The following C17orf113 variants were observed in gnomAD, a reference collection of about 807,000 sequenced individuals.
C17orf113 encodes chromosome 17 open reading frame 113.
Under a neutral mutation model 11.6 loss-of-function variants are expected in C17orf113, and 5 were observed. That is an observed-to-expected ratio of 0.43 (90% CI 0.23 to 0.91). The LOEUF is 0.91. Ranked by LOEUF, C17orf113 falls within the 40% of genes least tolerant of loss-of-function variation. The probability of loss-of-function intolerance (pLI) is 0.26; values close to 1 mark genes in which losing one functional copy is unlikely to be tolerated. For missense variants in C17orf113, 714 were observed against 841.3 expected (o/e 0.85, Z 1.87); for synonymous variants, 327 against 390.6 (o/e 0.84, Z 1.92).
Position 42,043,121 on chromosome 17 carries a change from G to C in C17orf113, c.256C>G (p.Arg86Gly), listed in dbSNP as rs540274862. The part of the protein sequence containing the change: ...LLRHVTSGAH[R>G]QALAVNQGQP... ...CCCTGGTTGACAGCCAGAGCCTGGCGGTGGGCTCCTGAGGTCACGTGGCGC... is the reference window on the plus strand; with the variant it reads ...CCCTGGTTGACAGCCAGAGCCTGGCCGTGGGCTCCTGAGGTCACGTGGCGC... The change falls in exon 2 of 3, where the codon CGC (arginine) becomes GGC (glycine). Residue 86 changes from arginine (R) to glycine (G), a missense_variant. By Grantham distance (125) the Arg-to-Gly change is moderately radical (BLOSUM62 -2). Coordinates refer to ENST00000587304, the MANE Select transcript of C17orf113 (RefSeq NM_001358661.2). 2 of 1,232,126 alleles carry C rather than the reference G, an allele frequency of 1.6e-6. No individual in the cohort carries two copies. The highest frequency in any genetic ancestry group is 2.0e-6 in the Non-Finnish European group (2 of 988,038). The allele number at this position is 1,232,126 out of a possible 1,614,324, so 76.3% of individuals were successfully genotyped here. A position where few individuals can be genotyped will look rare whatever the true frequency, so the allele number is the denominator to read the frequency against.
At position 42,050,245 on chromosome 17, in the gene C17orf113, G is replaced by T. The variant is rs975311016; in HGVS notation, c.-188+312C>A. ...TGTGGCCCCAGAATGTGGGTCCCGA[G>T]CCTCCTCCCCGGGCTCCTGGGGGCC... On this transcript the variant is annotated intron_variant, in intron 1 of 2. Transcript: ENST00000587304. This position sits in a 1 kb window ranked among gnomAD's most constrained non-coding sequence, Gnocchi z 5.6. 2.0e-5 allele frequency among the ~76,000 whole-genome samples: 3 copies of T among 152,194 alleles called. No homozygotes were observed. The highest frequency in any genetic ancestry group is 4.4e-5 in the Non-Finnish European group (3 of 68,010).
chr17:42,039,935 G>T lies in C17orf113; in HGVS notation c.1798C>A (p.Leu600Ile). ...GGCAGCGCCAAAGCCAAGGCGGCTAGGGCGGCGAAGTCGGGGAAGAGCTCG... is the reference window on the plus strand; with the variant it reads ...GGCAGCGCCAAAGCCAAGGCGGCTATGGCGGCGAAGTCGGGGAAGAGCTCG... ...LHELFPDFAALAALALALPAG... is the reference protein window; with the variant it reads ...LHELFPDFAAIAALALALPAG... The change falls in exon 3 of 3, where the codon CTA becomes ATA. Residue 600 changes from leucine to isoleucine, a missense_variant. Physicochemically the swap from Leu to Ile is conservative, Grantham distance 5. This residue lies in a region of C17orf113 where 194 missense variants were observed against 197.2 expected (regional missense o/e 0.98). Transcript: ENST00000587304. 8.1e-7 allele frequency: 1 copy of T among 1,231,252 alleles called. No homozygotes were observed. Among genetic ancestry groups the T allele is most frequent in the Non-Finnish European group, 1.0e-6 (1 of 987,606 alleles). The allele number at this position is 1,231,252 out of a possible 1,614,324, so 76.3% of individuals were successfully genotyped here. A position where few individuals can be genotyped will look rare whatever the true frequency, so the allele number is the denominator to read the frequency against.
Position 42,042,866 on chromosome 17 carries a change from A to T in C17orf113, c.511T>A (p.Tyr171Asn). ...TCCCTCACCCTCCTGGGACTGTAGTAATCGCCATGCTCTGTGCCCAGCAGT... is the reference window on the plus strand; with the variant it reads ...TCCCTCACCCTCCTGGGACTGTAGTTATCGCCATGCTCTGTGCCCAGCAGT... ...QALLGTEHGD[Y>N]YSPRRVRDMQ... is the part of the protein sequence containing the mutation. Residue 171 changes from tyrosine (Y) to asparagine (N), a missense_variant, in exon 2 of 3, where the codon TAC (tyrosine) becomes AAC (asparagine). Tyr to Asn is a moderately radical substitution (Grantham distance 143). Coordinates refer to ENST00000587304, the MANE Select transcript of C17orf113 (RefSeq NM_001358661.2). The T allele has an allele frequency of 8.1e-7, 1 of 1,232,278 alleles. No individual in the cohort carries two copies. Among genetic ancestry groups the T allele is most frequent in the South Asian group, 4.1e-5 (1 of 24,320 alleles). The allele number at this position is 1,232,278 out of a possible 1,614,324, so 76.3% of individuals were successfully genotyped here.
rs1189075787 is a variant in C17orf113 at position 42,040,279 on chromosome 17, C to T, written c.1454G>A (p.Arg485Gln). 2.0e-5 allele frequency: 25 copies of T among 1,231,554 alleles called. No individual in the cohort carries two copies. Among genetic ancestry groups the T allele is most frequent in the Non-Finnish European group, 2.5e-5 (25 of 987,902 alleles). 76.3% of individuals were successfully genotyped at this position (1,231,554 alleles called of 1,614,324 possible). ...GGATCCCCGGAGCCACTCCAAGCCC[C>T]GGACCGCAGCCTCGGAGTAACCGAG... Reference protein sequence around the residue: ...ELLGYSEAAVRGLEWLRGSFL... With the variant: ...ELLGYSEAAVQGLEWLRGSFL... Residue 485 changes from arginine to glutamine, a missense_variant, in exon 3 of 3, where the codon CGG becomes CAG. Physicochemically the swap from Arg to Gln is conservative, Grantham distance 43 (BLOSUM62 1). Transcript: ENST00000587304.
In C17orf113 at chr17:42,038,327, T is replaced by A. The variant is rs2052914885; in HGVS notation, c.*1378A>T. ...CGCCCCTCTCACTCTCTAACTATCC[T>A]CCCTCCCTCCAGATCCCCAGGATTT... On this transcript the variant is annotated 3_prime_UTR_variant, in exon 3 of 3. Transcript: ENST00000587304. 1 of 420,974 alleles carries A rather than the reference T, an allele frequency of 2.4e-6. No individual in the cohort carries two copies. Among genetic ancestry groups the A allele is most frequent in the Non-Finnish European group, 4.2e-6 (1 of 236,004 alleles). 26.1% of individuals were successfully genotyped at this position (420,974 alleles called of 1,614,324 possible).
Position 42,043,347 on chromosome 17 carries a change from TC to T in C17orf113, c.29del (p.Gly10GlufsTer33). The T allele has an allele frequency of 3.2e-6, 4 of 1,232,224 alleles. No homozygotes were observed. Among genetic ancestry groups the T allele is most frequent in the Non-Finnish European group, 4.0e-6 (4 of 988,022 alleles). 76.3% of individuals were successfully genotyped at this position (1,232,224 alleles called of 1,614,324 possible). A position where few individuals can be genotyped will look rare whatever the true frequency, so the allele number is the denominator to read the frequency against. ...ACTTCTTGTTGGAGTTGGAGGCCTC[TC>T]CCGCTGGTTTCTTCCCTGGGGGCAC... MVPPGKKPA[G>X]EASNSNKKCK... On this transcript the variant is annotated frameshift_variant, in exon 2 of 3. Transcript: ENST00000587304. LOFTEE classifies it high-confidence loss of function.
Position 42,043,483 on chromosome 17 carries a change from C to T in C17orf113, c.-107G>A. The T allele has an allele frequency of 9.5e-7, 1 of 1,048,202 alleles. No individual in the cohort carries two copies. Among genetic ancestry groups the T allele is most frequent in the Non-Finnish European group, 1.2e-6 (1 of 821,170 alleles). 64.9% of individuals were successfully genotyped at this position (1,048,202 alleles called of 1,614,324 possible). Reference sequence around the variant, plus strand: ...TTGACAAGGAGAGTTGATGGGGAGGCAGGCTGGGGGCAGCCCGCCAGGCTA... The same window carrying T: ...TTGACAAGGAGAGTTGATGGGGAGGTAGGCTGGGGGCAGCCCGCCAGGCTA... On this transcript the variant is annotated 5_prime_UTR_variant, in exon 2 of 3. Transcript: ENST00000587304.
Position 42,039,846 on chromosome 17 carries a change from ACT to A in C17orf113, c.1885_1886del (p.Ser629TrpfsTer24). 8.1e-7 allele frequency: 1 copy of A among 1,230,766 alleles called. No homozygotes were observed. The highest frequency in any genetic ancestry group is 1.0e-6 in the Non-Finnish European group (1 of 987,536). 76.2% of individuals were successfully genotyped at this position (1,230,766 alleles called of 1,614,324 possible). On this transcript the variant is annotated frameshift_variant, in exon 3 of 3. Transcript: ENST00000587304. LOFTEE classifies it high-confidence loss of function. ...RSRELRWWGQSGAGEGRGGHM... is the reference protein window; with the variant it reads ...RSRELRWWGQXGAGEGRGGHM... Reference sequence around the variant, plus strand: ...GGCCCCCCCGGCCTTCCCCGGCCCCACTCTGCCCCCACCACCGCAGCTCCCGG... The same window carrying A: ...GGCCCCCCCGGCCTTCCCCGGCCCCACTGCCCCCACCACCGCAGCTCCCGG...
Position 42,043,183 on chromosome 17 carries a change from G to A in C17orf113, c.194C>T (p.Thr65Ile). 1 of 1,232,236 alleles carries A rather than the reference G, an allele frequency of 8.1e-7. No individual in the cohort carries two copies. Among genetic ancestry groups the A allele is most frequent in the Non-Finnish European group, 1.0e-6 (1 of 988,014 alleles). The allele number at this position is 1,232,236 out of a possible 1,614,324, so 76.3% of individuals were successfully genotyped here. The change falls in exon 2 of 3, where the codon ACT becomes ATT. Residue 65 changes from threonine to isoleucine, a missense_variant. By Grantham distance (89) the Thr-to-Ile change is moderately conservative (BLOSUM62 -1). Coordinates refer to ENST00000587304, the MANE Select transcript of C17orf113 (RefSeq NM_001358661.2). Reference protein sequence around the residue: ...NKHGKAENAFTVGTDNFQRHA... With the variant: ...NKHGKAENAFIVGTDNFQRHA... ...GCGCTGGAAGTTGTCTGTGCCCACA[G>A]TGAAGGCGTTTTCGGCTTTGCCATG...
rs1188751238 is a variant in C17orf113 at position 42,039,822 on chromosome 17, G to GC, written c.1910dup (p.His638ProfsTer16). On this transcript the variant is annotated frameshift_variant, in exon 3 of 3. Transcript: ENST00000587304. LOFTEE classifies it high-confidence loss of function. ...CATCCACTGCGATCTTCACCATGTG[G>GC]CCCCCCCGGCCTTCCCCGGCCCCAC... 5.3e-4 allele frequency: 655 copies of GC among 1,231,162 alleles called. 1 individual carries two copies. The highest frequency in any genetic ancestry group is 6.2e-4 in the Non-Finnish European group (608 of 987,574). 76.3% of individuals were successfully genotyped at this position (1,231,162 alleles called of 1,614,324 possible). A position where few individuals can be genotyped will look rare whatever the true frequency, so the allele number is the denominator to read the frequency against.
chr17:42,039,801 C>T lies in C17orf113; in HGVS notation c.1932G>A (p.Val644=). The change falls in exon 3 of 3, where the codon GTG becomes GTA. Residue 644 remains valine (V), a synonymous_variant. Coordinates refer to ENST00000587304, the MANE Select transcript of C17orf113 (RefSeq NM_001358661.2). ...GRGGHMVKIA[V]DGPPLHEFDF... The stretch of plus-strand genomic sequence containing the variant: ...CAAACTCGTGCAGCGGGGGCCCATC[C>T]ACTGCGATCTTCACCATGTGGCCCC... The T allele has an allele frequency of 8.1e-7, 1 of 1,232,392 alleles. No homozygotes were observed. The highest frequency in any genetic ancestry group is 1.0e-6 in the Non-Finnish European group (1 of 988,138). 76.3% of individuals were successfully genotyped at this position (1,232,392 alleles called of 1,614,324 possible).
At chr17:42,045,476 C>T (rs549199091) in intron 1 of C17orf113, among the ~76,000 whole-genome samples, 3 of 152,202 alleles carry the variant, frequency 2.0e-5, no homozygotes, top group Admixed American at 2.0e-4. Context: ...AGGGTCAGAC[C>T]CAGATGACTC....
intron 1 of C17orf113, among the ~76,000 whole-genome samples, chr17:42,049,825 G>T (rs2053245654): frequency 6.6e-6 from 1 of 152,228 alleles, no homozygotes; most frequent in Admixed American, 6.5e-5. Context: ...TGCAGCTATT[G>T]TAAATGCAGC....
Position 42,043,204 on chromosome 17 carries a change from C to A in C17orf113, c.173G>T (p.Gly58Val). 1 of 1,232,254 alleles carries A rather than the reference C, an allele frequency of 8.1e-7. No individual in the cohort carries two copies. 76.3% of individuals were successfully genotyped at this position (1,232,254 alleles called of 1,614,324 possible). Residue 58 changes from glycine (G) to valine (V), a missense_variant, in exon 2 of 3, where the codon GGC becomes GTC. Around this residue, in one of 3 missense-constraint regions of C17orf113, gnomAD observed 516 missense variants for 626.6 expected, o/e 0.82. Coordinates refer to ENST00000587304, the MANE Select transcript of C17orf113 (RefSeq NM_001358661.2). The part of the protein sequence containing the change: ...CRQALVRNKH[G>V]KAENAFTVGT... ...CACAGTGAAGGCGTTTTCGGCTTTG[C>A]CATGCTTGTTCCGTACCAGGGCCTG...
At position 42,040,842 on chromosome 17, in the gene C17orf113, A is replaced by G. The variant is rs988292449; in HGVS notation, c.891T>C (p.Cys297=). Residue 297 remains cysteine, a synonymous_variant, in exon 3 of 3, where the codon TGT becomes TGC. Coordinates refer to ENST00000587304, the MANE Select transcript of C17orf113 (RefSeq NM_001358661.2). ...ATCPLLAELH[C]LPGRTDPEPP... ...GCTCAGGATCTGTCCGGCCAGGGAG[A>G]CAATGCAGCTCTGCCAGCAGTGGGC... 1.6e-6 allele frequency: 2 copies of G among 1,232,186 alleles called. No homozygotes were observed. The highest frequency in any genetic ancestry group is 8.4e-5 in the Admixed American group (2 of 23,712). The allele number at this position is 1,232,186 out of a possible 1,614,324, so 76.3% of individuals were successfully genotyped here.
intron 2 of C17orf113, 98 bp downstream of exon 2, chr17:42,042,736 A>T: frequency 6.6e-6 from 6 of 911,724 alleles, no homozygotes; most frequent in Non-Finnish European, 8.6e-6. Context: ...GAAATGCCCT[A>T]GCTGCTCCCC....
rs2053255100 is a variant in C17orf113 at position 42,050,363 on chromosome 17, C to T, written c.-188+194G>A. Among the ~76,000 whole-genome samples the T allele has an allele frequency of 2.0e-5, 3 of 152,124 alleles. No individual in the cohort carries two copies. Among genetic ancestry groups the T allele is most frequent in the Admixed American group, 1.3e-4 (2 of 15,280 alleles). ...GACAGCCCTGGTGAGAAGGGGCTCC[C>T]CTGCACCTCTTCTCACGCATCCTCC... is the stretch of plus-strand genomic sequence containing the variant. On this transcript the variant is annotated intron_variant, in intron 1 of 2. Transcript: ENST00000587304. This position sits in a 1 kb window ranked among gnomAD's most constrained non-coding sequence, Gnocchi z 5.6.
Position 42,040,191 on chromosome 17 carries a change from C to T in C17orf113, c.1542G>A (p.Val514=). Residue 514 remains valine (V), a synonymous_variant, in exon 3 of 3, where the codon GTG becomes GTA. Coordinates refer to ENST00000587304, the MANE Select transcript of C17orf113 (RefSeq NM_001358661.2). Reference sequence around the variant, plus strand: ...GGTCGAAGATCGCTGCGAAGGCGGCCACGGCGTCCAGCGAAGGCCCGGGGT... The same window carrying T: ...GGTCGAAGATCGCTGCGAAGGCGGCTACGGCGTCCAGCGAAGGCCCGGGGT... The part of the protein sequence containing the change: ...DSYPGPSLDA[V]AAFAAIFDPR... 9 of 1,231,578 alleles carry T rather than the reference C, an allele frequency of 7.3e-6. No individual in the cohort carries two copies. Among genetic ancestry groups the T allele is most frequent in the Non-Finnish European group, 9.1e-6 (9 of 987,840 alleles). The allele number at this position is 1,231,578 out of a possible 1,614,324, so 76.3% of individuals were successfully genotyped here. A position where few individuals can be genotyped will look rare whatever the true frequency, so the allele number is the denominator to read the frequency against.
At position 42,039,544 on chromosome 17, in the gene C17orf113, G is replaced by A. The variant is rs559922103; in HGVS notation, c.*161C>T. 1.0e-4 allele frequency: 45 copies of A among 437,212 alleles called. No homozygotes were observed. The highest frequency in any genetic ancestry group is 1.7e-4 in the South Asian group (1 of 5,780). The allele number at this position is 437,212 out of a possible 1,614,324, so 27.1% of individuals were successfully genotyped here. On this transcript the variant is annotated 3_prime_UTR_variant, in exon 3 of 3. Coordinates refer to ENST00000587304, the MANE Select transcript of C17orf113 (RefSeq NM_001358661.2). ...CCCTTCCTCCACAGCCCACAGGGTG[G>A]GGGGGGTTGGTGGGAAGCTCCAGAA...
Sources: allele counts gnomAD v4.1 joint callset (sites outside exome capture counted in the v4.1 genomes callset), GRCh38; gene constraint gnomAD v4.1.1; regional missense constraint gnomAD v4.1.1; non-coding constraint Gnocchi (gnomAD v3.1); transcripts MANE v1.5; gene names NCBI Gene and HGNC (gene_info 2026-07-23, HGNC 2026-07-21).